The following TC2N variants were observed in gnomAD, a reference collection of about 807,000 sequenced individuals.
TC2N encodes tandem C2 domains nuclear protein.
A neutral mutation model predicts 61.9 loss-of-function variants in TC2N; 51 were observed. The ratio of observed to expected loss-of-function variants is 0.82; its 90% CI spans 0.66 to 1.04. TC2N has a LOEUF of 1.04. Among genes scored for constraint, TC2N ranks in the 50% least tolerant of loss-of-function variants. TC2N has a pLI of 0.00. For synonymous variants in TC2N, 204 were observed against 192.6 expected (o/e 1.06, Z -0.49); for missense variants, 556 against 566.7 (o/e 0.98, Z 0.19).
intron 1 of TC2N, among the ~76,000 whole-genome samples, chr14:91,850,910 G>A (rs767073831): frequency 2.0e-4 from 31 of 152,082 alleles, no homozygotes; most frequent in Non-Finnish European, 4.1e-4. Context: ...CAGCCTGGGT[G>A]ACAGAGCAAG....
At position 91,834,623 on chromosome 14, in the gene TC2N, T is replaced by G. The variant is rs1292561411; in HGVS notation, c.-56-20798A>C. 9.9e-5 allele frequency among the ~76,000 whole-genome samples: 15 copies of G among 152,172 alleles called. No individual in the cohort carries two copies. In the East Asian group the frequency reaches 2.3e-3, roughly 23 times the overall value. ...TCAAACTTGGCTTCTACCCTTACAC[T>G]GTACTTAAATTATGTCTGCTGAGGT... On this transcript the variant is annotated intron_variant, in intron 1 of 11. Coordinates refer to ENST00000435962, the MANE Select transcript of TC2N (RefSeq NM_001128596.3).
intron 1 of TC2N, among the ~76,000 whole-genome samples, chr14:91,855,843 C>T (rs999686981): frequency 2.6e-5 from 4 of 152,018 alleles, no homozygotes; most frequent in Admixed American, 6.6e-5. Context: ...AGGGAAGTGC[C>T]GAGGTTGGAG....
chr14:91,797,791 A>G lies in TC2N; in HGVS notation c.849T>C (p.Gly283=). The part of the protein sequence containing the change: ...PVHFKSSAKE[G]SNAIEFMETF... The stretch of plus-strand genomic sequence containing the variant: ...AATACAAACAGCCACTTACGTTGGA[A>G]CCTTCCTTGGCTGAAGATTTGAAAT... Residue 283 remains glycine, a synonymous_variant, in exon 8 of 12, where the codon GGT becomes GGC. Transcript: ENST00000435962. The G allele has an allele frequency of 6.3e-7, 1 of 1,587,932 alleles. No homozygotes were observed. Among genetic ancestry groups the G allele is most frequent in the African/African-American group, 1.4e-5 (1 of 73,450 alleles).
intron 1 of TC2N, among the ~76,000 whole-genome samples, chr14:91,822,182 A>G (rs1164987404): frequency 6.6e-6 from 1 of 152,244 alleles, no homozygotes; most frequent in Non-Finnish European, 1.5e-5. Flanking sequence ...ACATGTTTAC[A>G]CAAAGAGTTG....
intron 3 of TC2N, among the ~76,000 whole-genome samples, chr14:91,807,134 T>G (rs1370223619): frequency 2.0e-5 from 3 of 152,172 alleles, no homozygotes; most frequent in Non-Finnish European, 4.4e-5. Flanking sequence ...CTCCTAGATT[T>G]CAGAGGATGT....
intron 1 of TC2N, among the ~76,000 whole-genome samples, chr14:91,864,312 T>G (rs1371859843): frequency 6.6e-6 from 1 of 152,198 alleles, no homozygotes; most frequent in Non-Finnish European, 1.5e-5. Flanking sequence ...TTCGCTTTAT[T>G]TCCATGCTTG....
chr14:91,799,589 T>C (rs1222924210), intron 5 of TC2N, among the ~76,000 whole-genome samples: 1 of 152,112 alleles, frequency 6.6e-6, no homozygotes, highest in African/African-American at 2.4e-5. Flanking sequence ...GTTAAACAAC[T>C]GCTGCTATAA....
chr14:91,859,993 T>C (rs1183337696), intron 1 of TC2N, among the ~76,000 whole-genome samples: 1 of 151,822 alleles, frequency 6.6e-6, no homozygotes, highest in Non-Finnish European at 1.5e-5. Context: ...TATTCAGGAG[T>C]TTGAATCTTA....
intron 1 of TC2N, among the ~76,000 whole-genome samples, chr14:91,814,455 T>A (rs1490664210): frequency 3.7e-5 from 5 of 133,388 alleles, no homozygotes; most frequent in East Asian, 2.2e-4. Flanking sequence ...AGAAAAGAAA[T>A]AAAGAGGAGA....
chr14:91,854,576 G>A (rs1888446451), intron 1 of TC2N, among the ~76,000 whole-genome samples: 1 of 152,062 alleles, frequency 6.6e-6, no homozygotes, highest in Non-Finnish European at 1.5e-5. Context: ...AGATGCAAAA[G>A]ACCAAACAAA....
intron 1 of TC2N, among the ~76,000 whole-genome samples, chr14:91,863,356 C>A (rs1335954127): frequency 1.3e-5 from 2 of 152,212 alleles, no homozygotes; most frequent in East Asian, 3.9e-4. Context: ...TAGCAAGACA[C>A]CAAGCAAGGA....
At chr14:91,839,859 T>G (rs1266480417) in intron 1 of TC2N, among the ~76,000 whole-genome samples, 1 of 152,206 alleles carries the variant, frequency 6.6e-6, no homozygotes, top group Admixed American at 6.5e-5. Flanking sequence ...GGAAGTGACA[T>G]TTCAAAAGTG....
chr14:91,821,584 G>C (rs1887257341), intron 1 of TC2N, among the ~76,000 whole-genome samples: 1 of 151,836 alleles, frequency 6.6e-6, no homozygotes, highest in Admixed American at 6.6e-5. Flanking sequence ...TGTAAACTTG[G>C]GTTAGGCAGT....
In TC2N at chr14:91,812,530, T is replaced by A; in HGVS notation, c.83A>T (p.Asp28Val). 6.3e-7 allele frequency: 1 copy of A among 1,575,170 alleles called. No homozygotes were observed. The highest frequency in any genetic ancestry group is 1.2e-5 in the South Asian group (1 of 86,334). The change falls in exon 3 of 12, where the codon GAT becomes GTT. Residue 28 changes from aspartate (D) to valine (V), a missense_variant. Coordinates refer to ENST00000435962, the MANE Select transcript of TC2N (RefSeq NM_001128596.3). ...ACTATTTGGGACTGCTGCTTTAAAATCTCTTTCCACAGAAACTGCATATAA... is the reference window on the plus strand; with the variant it reads ...ACTATTTGGGACTGCTGCTTTAAAAACTCTTTCCACAGAAACTGCATATAA... ...TEKHNFSVER[D>V]FKAAVPNSQN...
At chr14:91,852,191 G>T (rs148947149) in intron 1 of TC2N, among the ~76,000 whole-genome samples, 2 of 152,232 alleles carry the variant, frequency 1.3e-5, no homozygotes, top group African/African-American at 4.8e-5. Flanking sequence ...ACTTTGGGAG[G>T]CCGAGGCGGG....
At chr14:91,805,216 T>G (rs1383065197) in intron 3 of TC2N, among the ~76,000 whole-genome samples, 4 of 152,146 alleles carry the variant, frequency 2.6e-5, no homozygotes, top group Admixed American at 2.0e-4. Context: ...TGTGGATGTT[T>G]GTGTCTAAGT....
chr14:91,808,679 T>C (rs113821349), intron 3 of TC2N, among the ~76,000 whole-genome samples: 9 of 152,320 alleles, frequency 5.9e-5, no homozygotes, highest in African/African-American at 1.7e-4. Context: ...AACCAATTTC[T>C]TCCTCATTCA....
In TC2N at chr14:91,781,858, A is replaced by G. The variant is rs1205862862; in HGVS notation, c.*1242T>C. ...AATGTTAATGATATACACAGAACAT[A>G]GGAGCTGGAATAAAGAAGGCATGCT... On this transcript the variant is annotated 3_prime_UTR_variant, in exon 12 of 12. Transcript: ENST00000435962. 6.6e-6 allele frequency: 1 copy of G among 152,076 alleles called. No homozygotes were observed. Among genetic ancestry groups the G allele is most frequent in the Non-Finnish European group, 1.5e-5 (1 of 67,952 alleles). The allele number at this position is 152,076 out of a possible 1,614,324, so 9.4% of individuals were successfully genotyped here.
At chr14:91,800,929 C>A (rs1277343862) in intron 4 of TC2N, among the ~76,000 whole-genome samples, 2 of 151,214 alleles carry the variant, frequency 1.3e-5, no homozygotes, top group Non-Finnish European at 2.9e-5. Context: ...CCTAAATTCA[C>A]TGGTTGAGAG....
Sources: allele counts gnomAD v4.1 joint callset (sites outside exome capture counted in the v4.1 genomes callset), GRCh38; gene constraint gnomAD v4.1.1; transcripts MANE v1.5; gene names NCBI Gene and HGNC (gene_info 2026-07-23, HGNC 2026-07-21).